ELP4: variants seen among roughly 807,000 people sequenced by gnomAD.
The protein encoded by ELP4 is elongator complex protein 4.
A neutral mutation model predicts 48.9 loss-of-function variants in ELP4; 51 were observed. The ratio of observed to expected loss-of-function variants is 1.04; its 90% CI spans 0.83 to 1.32. ELP4 has a LOEUF of 1.32. Among genes scored for constraint, ELP4 ranks in the 40% most tolerant of loss-of-function variants. The probability of loss-of-function intolerance (pLI) is 0.00; values close to 1 mark genes in which losing one functional copy is unlikely to be tolerated. For synonymous variants in ELP4, 210 were observed against 189.2 expected, an observed-to-expected ratio of 1.11 and a Z score of -0.90; for missense variants, 519 against 514.6, an observed-to-expected ratio of 1.01 and a Z score of -0.08.
intron 1 of ELP4, among the ~76,000 whole-genome samples, chr11:31,514,900 C>T (rs1956078645): frequency 6.6e-6 from 1 of 151,678 alleles, no homozygotes; most frequent in South Asian, 2.1e-4. Context: ...AAGTAAGAGA[C>T]ATCAAAATAC....
At chr11:31,748,796 G>T (rs1947654490) in intron 9 of ELP4, among the ~76,000 whole-genome samples, 1 of 151,666 alleles carries the variant, frequency 6.6e-6, no homozygotes, top group South Asian at 2.1e-4. Flanking sequence ...TTGAGGCCAG[G>T]AGTTCAAGAC....
intron 5 of ELP4, among the ~76,000 whole-genome samples, chr11:31,604,940 A>G (rs575393591): frequency 3.9e-5 from 6 of 152,160 alleles, no homozygotes; most frequent in African/African-American, 7.2e-5. Flanking sequence ...GTTATCTTCT[A>G]TAATCCTTAT....
chr11:31,668,717 T>A (rs1565103610), intron 9 of ELP4, among the ~76,000 whole-genome samples: 3 of 129,846 alleles, frequency 2.3e-5, no homozygotes, highest in African/African-American at 1.1e-4. Flanking sequence ...TGTGTGTGTG[T>A]GTGTAAGAAC....
chr11:31,605,196 G>T (rs1391944844), intron 5 of ELP4, among the ~76,000 whole-genome samples: 1 of 151,830 alleles, frequency 6.6e-6, no homozygotes, highest in Non-Finnish European at 1.5e-5. Context: ...TTAAAATCTG[G>T]ATTCTTATAT....
chr11:31,779,121 C>T (rs1000955923), intron 9 of ELP4, among the ~76,000 whole-genome samples: 2 of 152,160 alleles, frequency 1.3e-5, no homozygotes, highest in Non-Finnish European at 2.9e-5. Flanking sequence ...CAAATTGTGA[C>T]TTTTCAGGAA....
At chr11:31,577,812 T>G (rs1244638747) in intron 3 of ELP4, among the ~76,000 whole-genome samples, 1 of 152,154 alleles carries the variant, frequency 6.6e-6, no homozygotes, top group Non-Finnish European at 1.5e-5. Flanking sequence ...ATAAGCGCTA[T>G]TTATGACAAA....
At chr11:31,672,224 T>A (rs1258262321) in intron 9 of ELP4, among the ~76,000 whole-genome samples, 1 of 152,194 alleles carries the variant, frequency 6.6e-6, no homozygotes, top group Non-Finnish European at 1.5e-5. Flanking sequence ...CCAGCATAAC[T>A]GTACTCTATA....
chr11:31,775,654 G>A (rs942113720), intron 9 of ELP4, among the ~76,000 whole-genome samples: 1 of 152,058 alleles, frequency 6.6e-6, no homozygotes, highest in Non-Finnish European at 1.5e-5. Context: ...GGACAACATA[G>A]TGTGACCCTA....
chr11:31,548,367 A>G (rs1000517213), intron 3 of ELP4, among the ~76,000 whole-genome samples: 20 of 151,330 alleles, frequency 1.3e-4, no homozygotes, highest in Middle Eastern at 3.4e-3. Context: ...CCAAATCATG[A>G]GTGAACTCCC....
chr11:31,545,150 G>A (rs956805628), intron 3 of ELP4, among the ~76,000 whole-genome samples: 6 of 152,324 alleles, frequency 3.9e-5, no homozygotes, highest in Non-Finnish European at 8.8e-5. Flanking sequence ...TGACTTTGAC[G>A]AGTTGAGAGA....
In ELP4 at chr11:31,715,348, T is replaced by A. The variant is rs376623281; in HGVS notation, c.1143+65127T>A. ...TATGTGGCGGACACTATAATAAATA[T>A]ATTAAGATATTATTACCTTTTAATA... On this transcript the variant is annotated intron_variant, in intron 9 of 9. Coordinates refer to ENST00000640961, the MANE Select transcript of ELP4 (RefSeq NM_019040.5). Among the ~76,000 whole-genome samples the A allele has an allele frequency of 3.9e-4, 60 of 152,298 alleles. No homozygotes were observed. In the South Asian group the frequency reaches 0.012, roughly 31 times the overall value.
chr11:31,548,715 A>C (rs1342210809), intron 3 of ELP4, among the ~76,000 whole-genome samples: 3 of 152,202 alleles, frequency 2.0e-5, no homozygotes, highest in Non-Finnish European at 4.4e-5. Context: ...TGGAGGCATC[A>C]TGCTACCTGA....
intron 9 of ELP4, among the ~76,000 whole-genome samples, chr11:31,745,218 C>A (rs969258203): frequency 2.0e-5 from 3 of 152,126 alleles, no homozygotes; most frequent in African/African-American, 7.2e-5. Context: ...GAACTACAAA[C>A]CACTGCTCAA....
intron 9 of ELP4, among the ~76,000 whole-genome samples, chr11:31,704,914 A>G (rs144696611): frequency 0.028 from 4,303 of 151,630 alleles, 205 homozygotes; most frequent in African/African-American, 0.099. Flanking sequence ...GGGAGGCTGA[A>G]GCAGGAGAAT....
chr11:31,672,677 A>G (rs1260406424), intron 9 of ELP4, among the ~76,000 whole-genome samples: 1 of 152,084 alleles, frequency 6.6e-6, no homozygotes, highest in African/African-American at 2.4e-5. Context: ...CTATAGTCCT[A>G]GCTACTCACA....
At chr11:31,700,892 A>G (rs962696591) in intron 9 of ELP4, among the ~76,000 whole-genome samples, 2 of 152,060 alleles carry the variant, frequency 1.3e-5, no homozygotes, top group African/African-American at 4.8e-5. Flanking sequence ...CTCCTTGCCT[A>G]TGTCATATAT....
intron 3 of ELP4, among the ~76,000 whole-genome samples, chr11:31,590,614 A>T (rs753143037): frequency 5.3e-5 from 8 of 152,192 alleles, no homozygotes; most frequent in Admixed American, 1.3e-4. Context: ...TGGGTAATTT[A>T]TGAAGAGGTT....
intron 3 of ELP4, among the ~76,000 whole-genome samples, chr11:31,559,857 T>G (rs1216908850): frequency 2.7e-5 from 4 of 149,728 alleles, no homozygotes; most frequent in African/African-American, 9.9e-5. Context: ...GAGCTGAGAT[T>G]GCGCCATTGC....
chr11:31,625,868 T>G (rs1944732504), intron 5 of ELP4, among the ~76,000 whole-genome samples: 1 of 151,830 alleles, frequency 6.6e-6, no homozygotes, highest in African/African-American at 2.4e-5. Context: ...TACAGAATAT[T>G]ATTTTTGCAC....
Sources: allele counts gnomAD v4.1 joint callset (sites outside exome capture counted in the v4.1 genomes callset), GRCh38; gene constraint gnomAD v4.1.1; transcripts MANE v1.5; gene names NCBI Gene and HGNC (gene_info 2026-07-23, HGNC 2026-07-21).